Variants in LPIN1 observed in about 807,000 individuals in gnomAD.
LPIN1 encodes the protein phosphatidate phosphatase LPIN1.
A neutral mutation model predicts 107.5 loss-of-function variants in LPIN1; 71 were observed. That is an observed-to-expected ratio of 0.66 (90% CI 0.55 to 0.80). The LOEUF is 0.80. Among genes scored for constraint, LPIN1 ranks in the 30% least tolerant of loss-of-function variants. The pLI, the probability that LPIN1 is intolerant of heterozygous loss-of-function variation, is 0.00. For missense variants in LPIN1, 1,043 were observed against 1,160.6 expected, an observed-to-expected ratio of 0.90 and a Z score of 1.47; for synonymous variants, 445 against 452.6, an observed-to-expected ratio of 0.98 and a Z score of 0.21.
intron 1 of LPIN1, among the ~76,000 whole-genome samples, chr2:11,708,930 C>T (rs1272900600): frequency 6.6e-6 from 1 of 152,084 alleles, no homozygotes; most frequent in Non-Finnish European, 1.5e-5. Flanking sequence ...AAAGCTACTA[C>T]TATTATTATT....
chr2:11,776,072 G>T lies in LPIN1; in HGVS notation c.723-14G>T. 2 of 1,493,100 alleles carry T rather than the reference G, an allele frequency of 1.3e-6. No individual in the cohort carries two copies. Among genetic ancestry groups the T allele is most frequent in the Non-Finnish European group, 1.8e-6 (2 of 1,097,936 alleles). 92.5% of individuals were successfully genotyped at this position (1,493,100 alleles called of 1,614,324 possible). A position where few individuals can be genotyped will look rare whatever the true frequency, so the allele number is the denominator to read the frequency against. The stretch of plus-strand genomic sequence containing the variant: ...TTGTCTTTCTTTTAATGTGTATCAC[G>T]TGGTGGTATCCAGTAGCCTGGTAGA... On this transcript the variant is annotated splice_polypyrimidine_tract_variant and intron_variant, in intron 5 of 20. Transcript: ENST00000674199.
rs1021361517 is a variant in LPIN1 at position 11,824,569 on chromosome 2, G to A, written c.2622-63G>A. On this transcript the variant is annotated intron_variant, in intron 20 of 20. Transcript: ENST00000674199. ...GTTGTAGATCTCTCTTGACTTCTACGTGCAGCCCTGGGTGCATAGCTGGTA... is the reference window on the plus strand; with the variant it reads ...GTTGTAGATCTCTCTTGACTTCTACATGCAGCCCTGGGTGCATAGCTGGTA... 5.2e-5 allele frequency: 81 copies of A among 1,567,148 alleles called. 1 individual carries two copies. Among genetic ancestry groups the A allele is most frequent in the Middle Eastern group, 5.0e-4 (3 of 5,962 alleles).
At chr2:11,768,731 TAG>T (rs1206666264) in intron 3 of LPIN1, among the ~76,000 whole-genome samples, 2 of 152,100 alleles carry the variant, frequency 1.3e-5, no homozygotes, top group African/African-American at 4.8e-5. Flanking sequence ...GGTCAGGAGA[TAG>T]AGACCATCCT....
chr2:11,714,921 G>A (rs949648993), intron 2 of LPIN1, among the ~76,000 whole-genome samples: 1 of 152,226 alleles, frequency 6.6e-6, no homozygotes, highest in East Asian at 1.9e-4. Context: ...TCGTTGAGAC[G>A]AATCCAGAGG....
intron 1 of LPIN1, among the ~76,000 whole-genome samples, chr2:11,763,489 C>T (rs1179198724): frequency 6.6e-6 from 1 of 152,194 alleles, no homozygotes; most frequent in Non-Finnish European, 1.5e-5. Flanking sequence ...CCCAGAATAT[C>T]TCTTGGCCTG....
chr2:11,818,903 C>T (rs1681049307), intron 18 of LPIN1: 1 of 151,804 alleles, frequency 6.6e-6, no homozygotes. Flanking sequence ...GTATCAAATA[C>T]CCTTTTTGTA....
At chr2:11,695,544 G>A (rs1487929772) in intron 1 of LPIN1, among the ~76,000 whole-genome samples, 1 of 152,168 alleles carries the variant, frequency 6.6e-6, no homozygotes, top group African/African-American at 2.4e-5. Flanking sequence ...AGGGTATGAG[G>A]GGGAGGGGAG....
intron 1 of LPIN1, among the ~76,000 whole-genome samples, chr2:11,696,236 T>A (rs940678071): frequency 4.8e-5 from 7 of 144,580 alleles, no homozygotes; most frequent in Non-Finnish European, 7.6e-5. Context: ...CCTGTGTCCA[T>A]GTGTTCTCAT....
chr2:11,808,320 C>T (rs572308850), intron 17 of LPIN1, among the ~76,000 whole-genome samples: 12 of 152,268 alleles, frequency 7.9e-5, no homozygotes, highest in Middle Eastern at 6.8e-3. Flanking sequence ...CCTCCTCACA[C>T]GAGGGCCTTA....
At chr2:11,813,375 CT>C (rs944332384) in intron 17 of LPIN1, among the ~76,000 whole-genome samples, 15 of 151,160 alleles carry the variant, frequency 9.9e-5, no homozygotes, top group East Asian at 9.7e-4. Context: ...ATCATACCTT[CT>C]TTTTTTTTAA....
chr2:11,694,481 C>A (rs1209834195), intron 1 of LPIN1, among the ~76,000 whole-genome samples: 1 of 152,214 alleles, frequency 6.6e-6, no homozygotes, highest in Non-Finnish European at 1.5e-5. Context: ...GCCCTCTGAA[C>A]TTCTGCAGCA....
intron 1 of LPIN1, among the ~76,000 whole-genome samples, chr2:11,759,839 G>T (rs1391174980): frequency 6.8e-6 from 1 of 147,872 alleles, no homozygotes; most frequent in African/African-American, 2.5e-5. Context: ...CTCCCGGACG[G>T]GGCGGCTGGC....
At chr2:11,767,489 A>G (rs1488338029) in intron 2 of LPIN1, 2 of 432,348 alleles carry the variant, frequency 4.6e-6, no homozygotes, top group Admixed American at 3.6e-5. Context: ...TTTAATAATT[A>G]TAATAATGGC....
chr2:11,815,203 C>A lies in LPIN1; in HGVS notation c.2365C>A (p.Leu789Met), dbSNP rs542760055. The change falls in exon 18 of 21, where the codon CTG becomes ATG. Residue 789 changes from leucine to methionine, a missense_variant. Transcript: ENST00000674199. Reference sequence around the variant, plus strand: ...CACGGTGCTGCCCCAGGGGCCCCTGCTGCTGAGTCCCAGCAGCCTCTTCTC... The same window carrying A: ...CACGGTGCTGCCCCAGGGGCCCCTGATGCTGAGTCCCAGCAGCCTCTTCTC... ...RGTVLPQGPL[L>M]LSPSSLFSAL... is the part of the protein sequence containing the mutation. 1.5e-5 allele frequency: 25 copies of A among 1,614,180 alleles called. No individual in the cohort carries two copies. Among genetic ancestry groups the A allele is most frequent in the African/African-American group, 2.7e-5 (2 of 75,054 alleles).
intron 1 of LPIN1, among the ~76,000 whole-genome samples, chr2:11,711,008 G>T (rs939936480): frequency 6.6e-6 from 1 of 152,154 alleles, no homozygotes; most frequent in Non-Finnish European, 1.5e-5. Context: ...CAGAGATATT[G>T]CTCCTCTGGC....
rs561567308 is a variant in LPIN1 at position 11,693,170 on chromosome 2, G to C, written c.81+15442G>C. Among the ~76,000 whole-genome samples the C allele has an allele frequency of 4.0e-5, 6 of 151,606 alleles. 1 individual carries two copies. The South Asian group carries it at 1.2e-3, about 32-fold the overall frequency. ...TCCCAGCAAGGCCAGGTACAGTCGTGGTCCAAAGGTCTGTCAGAATCACCT... is the reference window on the plus strand; with the variant it reads ...TCCCAGCAAGGCCAGGTACAGTCGTCGTCCAAAGGTCTGTCAGAATCACCT... On this transcript the variant is annotated intron_variant, in intron 1 of 21. Transcript: ENST00000449576.
At chr2:11,708,072 C>A (rs568617329) in intron 1 of LPIN1, among the ~76,000 whole-genome samples, 2 of 152,210 alleles carry the variant, frequency 1.3e-5, no homozygotes, top group African/African-American at 4.8e-5. Flanking sequence ...CAGCAACCTT[C>A]ACCTAGACCC....
At chr2:11,683,975 G>A (rs1661865762) in intron 1 of LPIN1, among the ~76,000 whole-genome samples, 1 of 152,246 alleles carries the variant, frequency 6.6e-6, no homozygotes, top group African/African-American at 2.4e-5. Flanking sequence ...TGAGTGAGGT[G>A]AGCTCGGAAG....
At chr2:11,815,783 G>T (rs950439355) in intron 18 of LPIN1, among the ~76,000 whole-genome samples, 1 of 151,904 alleles carries the variant, frequency 6.6e-6, no homozygotes, top group Non-Finnish European at 1.5e-5. Context: ...CATTTTACGG[G>T]TCCTCTAACA....
Sources: allele counts gnomAD v4.1 joint callset (sites outside exome capture counted in the v4.1 genomes callset), GRCh38; gene constraint gnomAD v4.1.1; transcripts MANE v1.5; gene names NCBI Gene and HGNC (gene_info 2026-07-23, HGNC 2026-07-21).